Variants in NOX4 observed in about 807,000 individuals in gnomAD.
NOX4 encodes the protein kidney oxidase-1.
Under a neutral mutation model 87.6 loss-of-function variants are expected in NOX4, and 69 were observed. The observed-to-expected ratio is 0.79, with a 90% CI of 0.65 to 0.96. The LOEUF (loss-of-function observed/expected upper bound fraction) is 0.96. Among genes scored for constraint, NOX4 ranks in the 40% least tolerant of loss-of-function variants. The probability of loss-of-function intolerance (pLI) is 0.00; values close to 1 mark genes in which losing one functional copy is unlikely to be tolerated. For synonymous variants in NOX4, 275 were observed against 238.2 expected (o/e 1.15, Z -1.42); for missense variants, 680 against 681.5 (o/e 1.00, Z 0.02).
chr11:89,574,680 G>A, the NOX4 span, among the ~76,000 whole-genome samples: 5 of 152,062 alleles, frequency 3.3e-5, no homozygotes, highest in African/African-American at 1.2e-4. Flanking sequence ...AAGTACCTGC[G>A]TGGCACTTAG....
chr11:89,458,074 G>A (rs1276368954), intron 2 of NOX4, among the ~76,000 whole-genome samples: 1 of 152,080 alleles, frequency 6.6e-6, no homozygotes, highest in East Asian at 1.9e-4. Context: ...AATTCATATG[G>A]AACCAAAAAA....
chr11:89,512,702 C>G, the NOX4 span, among the ~76,000 whole-genome samples: 1 of 152,092 alleles, frequency 6.6e-6, no homozygotes, highest in Non-Finnish European at 1.5e-5. Context: ...CATATCTTGG[C>G]TGTTGTAAAT....
At chr11:89,550,628 C>G in the NOX4 span, among the ~76,000 whole-genome samples, 1 of 152,088 alleles carries the variant, frequency 6.6e-6, no homozygotes, top group African/African-American at 2.4e-5. Context: ...CCTTCACTCA[C>G]TTTTTGATGG....
rs1565158823 is a variant in NOX4, at chr11:89,325,122, T to TC, written c.*1633_*1634insG. On this transcript the variant is annotated 3_prime_UTR_variant, in exon 18 of 18. Transcript: ENST00000263317. ...TGTATGAATGCTTTAATTCTTTTTT[T>TC]TTTTTTTTTTTTTTTTTTTTGAGAT... is the stretch of plus-strand genomic sequence containing the variant. 1 of 122,224 alleles carries TC rather than the reference T, an allele frequency of 8.2e-6. No individual in the cohort carries two copies. Among genetic ancestry groups the TC allele is most frequent in the Non-Finnish European group, 1.6e-5 (1 of 61,018 alleles). 7.6% of individuals were successfully genotyped at this position (122,224 alleles called of 1,614,324 possible).
chr11:89,450,768 G>A (rs146935239), intron 3 of NOX4, among the ~76,000 whole-genome samples: 2,581 of 138,592 alleles, frequency 0.019, 90 homozygotes, highest in African/African-American at 0.066. Flanking sequence ...CTCTGCACAC[G>A]TATGTTTATT....
intron 2 of NOX4, among the ~76,000 whole-genome samples, chr11:89,485,538 A>C (rs1405056503): frequency 6.6e-6 from 1 of 152,140 alleles, no homozygotes; most frequent in African/African-American, 2.4e-5. Flanking sequence ...AAACAGGTAA[A>C]CATGAATTCA....
At chr11:89,328,714 T>C (rs1945320624) in intron 17 of NOX4, among the ~76,000 whole-genome samples, 1 of 152,090 alleles carries the variant, frequency 6.6e-6, no homozygotes. Context: ...TAATCCTCAG[T>C]GCTTCAGGAT....
chr11:89,414,520 A>G (rs2135237698), intron 8 of NOX4, among the ~76,000 whole-genome samples: 1 of 151,514 alleles, frequency 6.6e-6, no homozygotes. Flanking sequence ...TATCTCTTCC[A>G]CAGCATTTTT....
chr11:89,417,362 GGTTTT>G (rs1942841299), intron 8 of NOX4, among the ~76,000 whole-genome samples: 1 of 152,032 alleles, frequency 6.6e-6, no homozygotes, highest in African/African-American at 2.4e-5. Context: ...AAGAGGAAAT[GGTTTT>G]GTTTTGTTTT....
At chr11:89,377,332 C>T (rs1213863592) in intron 11 of NOX4, among the ~76,000 whole-genome samples, 1 of 152,022 alleles carries the variant, frequency 6.6e-6, no homozygotes, top group East Asian at 1.9e-4. Flanking sequence ...GTTCCTTTGA[C>T]ATAAAGTTTG....
intron 17 of NOX4, among the ~76,000 whole-genome samples, chr11:89,330,878 A>G (rs1026693531): frequency 3.3e-5 from 5 of 152,074 alleles, no homozygotes; most frequent in Non-Finnish European, 7.4e-5. Flanking sequence ...CTGTAAAGAC[A>G]GATAAATTCA....
the NOX4 span, among the ~76,000 whole-genome samples, chr11:89,580,701 A>G: frequency 1.3e-5 from 2 of 152,194 alleles, no homozygotes; most frequent in African/African-American, 4.8e-5. Flanking sequence ...TTAAGTGCTT[A>G]TCATATATTA....
At chr11:89,410,851 T>C (rs1225570677) in intron 8 of NOX4, among the ~76,000 whole-genome samples, 1 of 152,132 alleles carries the variant, frequency 6.6e-6, no homozygotes, top group Admixed American at 6.5e-5. Flanking sequence ...TCACAGCCAG[T>C]GATGTGGGTG....
chr11:89,355,460 T>C (rs1337162621), intron 12 of NOX4, among the ~76,000 whole-genome samples: 1 of 148,742 alleles, frequency 6.7e-6, no homozygotes, highest in African/African-American at 2.4e-5. Flanking sequence ...ATATATTTTT[T>C]TTCCTTAATG....
At chr11:89,420,024 T>C (rs904843363) in intron 8 of NOX4, among the ~76,000 whole-genome samples, 4 of 152,026 alleles carry the variant, frequency 2.6e-5, no homozygotes, top group African/African-American at 9.7e-5. Context: ...GATAAAGGCA[T>C]TTAAACAAAT....
At chr11:89,480,313 A>G (rs1946341768) in intron 2 of NOX4, among the ~76,000 whole-genome samples, 1 of 152,140 alleles carries the variant, frequency 6.6e-6, no homozygotes, top group Non-Finnish European at 1.5e-5. Flanking sequence ...CAGGGGAACA[A>G]TGTCATGGCA....
At chr11:89,392,813 TCA>T in intron 11 of NOX4, among the ~76,000 whole-genome samples, 1 of 152,272 alleles carries the variant, frequency 6.6e-6, no homozygotes, top group African/African-American at 2.4e-5. Flanking sequence ...AAAATAATTT[TCA>T]TGGAATTCCA....
intron 13 of NOX4, among the ~76,000 whole-genome samples, chr11:89,353,253 C>T (rs1385376262): frequency 1.3e-5 from 2 of 152,172 alleles, no homozygotes; most frequent in Non-Finnish European, 2.9e-5. Context: ...TATCAAACAG[C>T]ATCACATGCT....
chr11:89,399,187 C>A (rs561052895), intron 11 of NOX4, among the ~76,000 whole-genome samples: 3 of 151,258 alleles, frequency 2.0e-5, no homozygotes, highest in African/African-American at 7.3e-5. Context: ...CATTATTTAG[C>A]TAGATGCCCT....
Sources: allele counts gnomAD v4.1 joint callset (sites outside exome capture counted in the v4.1 genomes callset), GRCh38; gene constraint gnomAD v4.1.1; transcripts MANE v1.5; gene names NCBI Gene and HGNC (gene_info 2026-07-23, HGNC 2026-07-21).